The following MFSD6 variants were observed in gnomAD, a reference collection of about 807,000 sequenced individuals.
The protein encoded by MFSD6 is major facilitator superfamily domain-containing protein 6.
Under a neutral mutation model 56.3 loss-of-function variants are expected in MFSD6, and 26 were observed. The ratio of observed to expected loss-of-function variants is 0.46; its 90% CI spans 0.34 to 0.64. MFSD6 has a LOEUF of 0.64. Ranked by LOEUF, MFSD6 falls within the 30% of genes least tolerant of loss-of-function variation. The pLI is 0.01. For missense variants in MFSD6, 750 were observed against 986.2 expected, an observed-to-expected ratio of 0.76 and a Z score of 3.21; for synonymous variants, 331 against 366.9, an observed-to-expected ratio of 0.90 and a Z score of 1.12.
rs906334278 is a variant in MFSD6, at chr2:190,487,133, G to A, written c.1631-1524G>A. Among the ~76,000 whole-genome samples the A allele has an allele frequency of 2.6e-5, 4 of 152,120 alleles. No homozygotes were observed. The highest frequency in any genetic ancestry group is 9.7e-5 in the African/African-American group (4 of 41,414). ...TGAGGCAGGTGGATCACGAGGTCAA[G>A]AGATCAAGACCATCCTGGCCAACGT... On this transcript the variant is annotated intron_variant, in intron 4 of 7. Coordinates refer to ENST00000392328, the MANE Select transcript of MFSD6 (RefSeq NM_017694.4). The surrounding 1 kb of genome is among the most constrained non-coding windows in gnomAD (Gnocchi z 5.5).
chr2:190,494,939 C>A lies in MFSD6; in HGVS notation c.1892-2500C>A, dbSNP rs1229745357. ...GAAGCATTCCCTCTGAAAATTGGAA[C>A]AAGACAAGGATGCCCACTCTCACCA... On this transcript the variant is annotated intron_variant, in intron 6 of 7. Coordinates refer to ENST00000392328, the MANE Select transcript of MFSD6 (RefSeq NM_017694.4). This position sits in a 1 kb window ranked among gnomAD's most constrained non-coding sequence, Gnocchi z 5.7. Among the ~76,000 whole-genome samples, 1 of 152,094 alleles carries A rather than the reference C, an allele frequency of 6.6e-6. No individual in the cohort carries two copies. The highest frequency in any genetic ancestry group is 1.5e-5 in the Non-Finnish European group (1 of 68,006).
At position 190,490,562 on chromosome 2, in the gene MFSD6, CAAA is replaced by C. The variant is rs58276775; in HGVS notation, c.1891+704_1891+706del. 6.9e-6 allele frequency among the ~76,000 whole-genome samples: 1 copy of C among 144,092 alleles called. No individual in the cohort carries two copies. Among genetic ancestry groups the C allele is most frequent in the African/African-American group, 2.6e-5 (1 of 38,934 alleles). The allele number at this position is 144,092 out of a possible 152,430, so 94.5% of individuals were successfully genotyped here. A position where few individuals can be genotyped will look rare whatever the true frequency, so the allele number is the denominator to read the frequency against. On this transcript the variant is annotated intron_variant, in intron 6 of 7. Coordinates refer to ENST00000392328, the MANE Select transcript of MFSD6 (RefSeq NM_017694.4). The surrounding 1 kb of genome is among the most constrained non-coding windows in gnomAD (Gnocchi z 4.5). ...TGGGGGAACGAGCAAGACTCCCTCTCAAAAAAAAAACAAAAAACAAAGACAAAA... is the reference window on the plus strand; with the variant it reads ...TGGGGGAACGAGCAAGACTCCCTCTCAAAAAAACAAAAAACAAAGACAAAA...
Position 190,457,087 on chromosome 2 carries a change from T to C in MFSD6, c.1533-12671T>C, listed in dbSNP as rs1053631622. 6.6e-6 allele frequency among the ~76,000 whole-genome samples: 1 copy of C among 152,250 alleles called. No individual in the cohort carries two copies. Among genetic ancestry groups the C allele is most frequent in the Non-Finnish European group, 1.5e-5 (1 of 68,044 alleles). ...ACTAACACTGCTAGTCCGTTTCTTA[T>C]GGTCCAATCCAGAGGTATTTCCTCA... On this transcript the variant is annotated intron_variant, in intron 3 of 7. Coordinates refer to ENST00000392328, the MANE Select transcript of MFSD6 (RefSeq NM_017694.4). The surrounding 1 kb of genome is among the most constrained non-coding windows in gnomAD (Gnocchi z 5.1).
rs1216263689 is a variant in MFSD6 at position 190,410,204 on chromosome 2, G to A, written c.-176+1701G>A. Among the ~76,000 whole-genome samples, 1 of 151,948 alleles carries A rather than the reference G, an allele frequency of 6.6e-6. No homozygotes were observed. The highest frequency in any genetic ancestry group is 1.9e-4 in the East Asian group (1 of 5,190). ...TTAACAGTATTAAGGCATTTTTTTG[G>A]GTACTTATTATGTTCAAGACACCAT... On this transcript the variant is annotated intron_variant, in intron 1 of 7. Coordinates refer to ENST00000392328, the MANE Select transcript of MFSD6 (RefSeq NM_017694.4). This position sits in a 1 kb window ranked among gnomAD's most constrained non-coding sequence, Gnocchi z 4.4.
At position 190,456,956 on chromosome 2, in the gene MFSD6, G is replaced by A. The variant is rs558144785; in HGVS notation, c.1533-12802G>A. On this transcript the variant is annotated intron_variant, in intron 3 of 7. Transcript: ENST00000392328. This position sits in a 1 kb window ranked among gnomAD's most constrained non-coding sequence, Gnocchi z 5.4. ...CTTACCCCAGTCTTCCCAATGACTC[G>A]TCAAAGTTTAAAATGTCAACCGTCT... Among the ~76,000 whole-genome samples the A allele has an allele frequency of 3.3e-5, 5 of 152,204 alleles. No homozygotes were observed. The highest frequency in any genetic ancestry group is 7.2e-5 in the African/African-American group (3 of 41,514).
rs1001465365 is a variant in MFSD6, at chr2:190,456,188, G to A, written c.1533-13570G>A. ...ACTCCTGACCTCAGGTGATCTACCC[G>A]CCTCAGCCTCCCAAAGTGCTAGGAT... On this transcript the variant is annotated intron_variant, in intron 3 of 7. Coordinates refer to ENST00000392328, the MANE Select transcript of MFSD6 (RefSeq NM_017694.4). The surrounding 1 kb of genome is among the most constrained non-coding windows in gnomAD (Gnocchi z 5.4). Among the ~76,000 whole-genome samples the A allele has an allele frequency of 3.3e-5, 5 of 151,900 alleles. No homozygotes were observed. Among genetic ancestry groups the A allele is most frequent in the Non-Finnish European group, 1.5e-5 (1 of 67,954 alleles).
intron 3 of MFSD6, among the ~76,000 whole-genome samples, chr2:190,444,619 TTTTCA>T (rs1686504879): frequency 6.6e-6 from 1 of 152,184 alleles, no homozygotes; most frequent in Non-Finnish European, 1.5e-5. Context: ...TTGTTTGTGT[TTTTCA>T]TTTATTATAT....
intron 4 of MFSD6, among the ~76,000 whole-genome samples, chr2:190,480,407 C>A (rs1235318790): frequency 6.6e-6 from 1 of 152,094 alleles, no homozygotes; most frequent in African/African-American, 2.4e-5. Context: ...ATTTTTATAT[C>A]TTTTGAATGA....
chr2:190,484,625 A>G (rs1188732547), intron 4 of MFSD6, among the ~76,000 whole-genome samples: 1 of 152,206 alleles, frequency 6.6e-6, no homozygotes, highest in African/African-American at 2.4e-5. Flanking sequence ...AGAGCTTCAG[A>G]TTATTAAGAT....
chr2:190,421,073 A>G (rs1436030275), intron 2 of MFSD6, among the ~76,000 whole-genome samples: 2 of 152,206 alleles, frequency 1.3e-5, no homozygotes, highest in African/African-American at 4.8e-5. Flanking sequence ...TGGAGAGGAA[A>G]TAATATTTTG....
rs62180997 is a variant in MFSD6, at chr2:190,434,460, G to A, written c.-53-1517G>A. Among the ~76,000 whole-genome samples, 2 of 151,704 alleles carry A rather than the reference G, an allele frequency of 1.3e-5. No homozygotes were observed. The highest frequency in any genetic ancestry group is 1.9e-4 in the East Asian group (1 of 5,184). On this transcript the variant is annotated intron_variant, in intron 2 of 7. Transcript: ENST00000392328. The surrounding 1 kb of genome is among the most constrained non-coding windows in gnomAD (Gnocchi z 4.3). ...TTTTATTTATTTATTTTTTTGAGAC[G>A]GAGTCTCGCTCTGTTGCCAGGCTGG...
intron 2 of MFSD6, among the ~76,000 whole-genome samples, chr2:190,429,444 G>A (rs1001720844): frequency 4.6e-5 from 7 of 151,586 alleles, no homozygotes; most frequent in Non-Finnish European, 8.8e-5. Context: ...TCCTGCCTCA[G>A]CCTCCCAAGC....
rs1685890616 is a variant in MFSD6, at chr2:190,429,409, T to G, written c.-53-6568T>G. On this transcript the variant is annotated intron_variant, in intron 2 of 7. Transcript: ENST00000392328. ...GGTGCAATCTCGGCTCACTGCAACCTCCGTCTCCTGGGTTCAAGCGATTCT... is the reference window on the plus strand; with the variant it reads ...GGTGCAATCTCGGCTCACTGCAACCGCCGTCTCCTGGGTTCAAGCGATTCT... 2.0e-5 allele frequency among the ~76,000 whole-genome samples: 3 copies of G among 151,290 alleles called. No homozygotes were observed. In the South Asian group the frequency reaches 6.3e-4, roughly 32 times the overall value.
chr2:190,460,770 G>A (rs1687288296), intron 3 of MFSD6, among the ~76,000 whole-genome samples: 1 of 152,232 alleles, frequency 6.6e-6, no homozygotes, highest in South Asian at 2.1e-4. Context: ...GACAGGTGGG[G>A]ATGGTGGCCG....
At chr2:190,420,841 T>A (rs1204720658) in intron 2 of MFSD6, among the ~76,000 whole-genome samples, 1 of 152,218 alleles carries the variant, frequency 6.6e-6, no homozygotes, top group Non-Finnish European at 1.5e-5. Context: ...AAAAAAATAA[T>A]GACCTGAGTT....
intron 4 of MFSD6, among the ~76,000 whole-genome samples, chr2:190,473,382 A>G (rs1468134794): frequency 6.6e-6 from 1 of 152,192 alleles, no homozygotes; most frequent in Non-Finnish European, 1.5e-5. Flanking sequence ...AAATAAAGGG[A>G]TGGAGGAAGA....
At chr2:190,473,792 C>T (rs1688104815) in intron 4 of MFSD6, among the ~76,000 whole-genome samples, 1 of 151,846 alleles carries the variant, frequency 6.6e-6, no homozygotes, top group Admixed American at 6.6e-5. Flanking sequence ...ACACCTATTC[C>T]AAAATTGACC....
In MFSD6 at chr2:190,499,541, T is replaced by C. The variant is rs749642554; in HGVS notation, c.2173-474T>C. ...ACCAAATATATATCAGGACTCTTAA[T>C]TACAGGACATTCTTTCCCAGCTCTG... On this transcript the variant is annotated intron_variant, in intron 7 of 7. Coordinates refer to ENST00000392328, the MANE Select transcript of MFSD6 (RefSeq NM_017694.4). This position sits in a 1 kb window ranked among gnomAD's most constrained non-coding sequence, Gnocchi z 6.0. Among the ~76,000 whole-genome samples the C allele has an allele frequency of 1.6e-4, 25 of 152,218 alleles. No individual in the cohort carries two copies. The highest frequency in any genetic ancestry group is 4.4e-5 in the Non-Finnish European group (3 of 68,036).
At position 190,431,728 on chromosome 2, in the gene MFSD6, G is replaced by A. The variant is rs955110851; in HGVS notation, c.-53-4249G>A. ...GAGAGGGAGACTGTGGGGAGAGGGA[G>A]GGAGAGGGAGAGGGAGAGGGAGCAT... On this transcript the variant is annotated intron_variant, in intron 2 of 7. Coordinates refer to ENST00000392328, the MANE Select transcript of MFSD6 (RefSeq NM_017694.4). This position sits in a 1 kb window ranked among gnomAD's most constrained non-coding sequence, Gnocchi z 4.4. Among the ~76,000 whole-genome samples the A allele has an allele frequency of 6.6e-6, 1 of 151,858 alleles. No homozygotes were observed. Among genetic ancestry groups the A allele is most frequent in the Non-Finnish European group, 1.5e-5 (1 of 67,946 alleles).
Sources: allele counts gnomAD v4.1 joint callset (sites outside exome capture counted in the v4.1 genomes callset), GRCh38; gene constraint gnomAD v4.1.1; non-coding constraint Gnocchi (gnomAD v3.1); transcripts MANE v1.5; gene names NCBI Gene and HGNC (gene_info 2026-07-23, HGNC 2026-07-21).